GRIK2: variants seen among roughly 807,000 people sequenced by gnomAD.
The protein encoded by GRIK2 is glutamate ionotropic receptor kainate type subunit 2.
A neutral mutation model predicts 100.3 loss-of-function variants in GRIK2; 32 were observed. That is an observed-to-expected ratio of 0.32 (90% CI 0.24 to 0.43). The LOEUF is 0.43. GRIK2 is among the 20% of genes least tolerant of loss of function. The pLI is 1.00. For synonymous variants in GRIK2, 417 were observed against 389.4 expected (o/e 1.07, Z -0.83); for missense variants, 843 against 1,114.9 (o/e 0.76, Z 3.47).
intron 2 of GRIK2, among the ~76,000 whole-genome samples, chr6:101,521,121 C>T (rs1276045692): frequency 1.3e-5 from 2 of 151,944 alleles, no homozygotes; most frequent in African/African-American, 4.8e-5. Context: ...AAGTTTGTAA[C>T]CATTTTCTAT....
chr6:101,784,658 G>A (rs994925425), intron 7 of GRIK2, among the ~76,000 whole-genome samples: 4 of 152,088 alleles, frequency 2.6e-5, no homozygotes, highest in African/African-American at 9.7e-5. Flanking sequence ...ATTGGATCAC[G>A]GTGTTCTCAT....
chr6:101,438,813 C>T (rs1769883131), intron 2 of GRIK2, among the ~76,000 whole-genome samples: 1 of 152,084 alleles, frequency 6.6e-6, no homozygotes, highest in Non-Finnish European at 1.5e-5. Context: ...CATTGCCACA[C>T]AGATGACAAT....
chr6:101,910,338 G>GT (rs1325148462), intron 12 of GRIK2, among the ~76,000 whole-genome samples: 69 of 150,962 alleles, frequency 4.6e-4, no homozygotes, highest in South Asian at 4.2e-4. Context: ...ATTTTGTTTG[G>GT]TTTTTTTAAA....
chr6:101,928,702 A>G, intron 14 of GRIK2, 70 bp downstream of exon 14: 1 of 782,744 alleles, frequency 1.3e-6, no homozygotes. Flanking sequence ...CGATTCACAA[A>G]TGTAAGAGTG....
chr6:102,042,864 T>C (rs778901905), intron 15 of GRIK2, among the ~76,000 whole-genome samples: 20 of 151,702 alleles, frequency 1.3e-4, no homozygotes, highest in Non-Finnish European at 2.5e-4. Flanking sequence ...TGACAGCAAA[T>C]CTATTTCACC....
intron 4 of GRIK2, among the ~76,000 whole-genome samples, chr6:101,655,599 CAAA>C (rs1372898618): frequency 2.0e-5 from 3 of 152,154 alleles, no homozygotes; most frequent in African/African-American, 7.2e-5. Context: ...ATATCATTCT[CAAA>C]AATCCTGAGT....
intron 4 of GRIK2, among the ~76,000 whole-genome samples, chr6:101,647,547 A>G (rs1429471364): frequency 1.3e-5 from 2 of 151,992 alleles, no homozygotes; most frequent in Non-Finnish European, 2.9e-5. Flanking sequence ...AATAAGGCAC[A>G]AGCAGAGATG....
chr6:101,676,571 A>G (rs1040664249), intron 4 of GRIK2, 52 bp from the exon 5 acceptor site: 1 of 1,010,412 alleles, frequency 9.9e-7, no homozygotes, highest in South Asian at 1.7e-5. Context: ...TCTTTGCCCT[A>G]CTCTATTTTT....
intron 7 of GRIK2, among the ~76,000 whole-genome samples, chr6:101,696,584 C>T (rs1002691593): frequency 3.9e-5 from 6 of 151,964 alleles, no homozygotes; most frequent in South Asian, 2.1e-4. Context: ...GTCTAGCTAC[C>T]AGCGAATGTT....
intron 14 of GRIK2, among the ~76,000 whole-genome samples, chr6:101,979,123 T>A (rs1034814275): frequency 1.3e-5 from 2 of 151,896 alleles, no homozygotes; most frequent in African/African-American, 4.8e-5. Context: ...TCAGTTAATA[T>A]GATAGCAAAC....
intron 2 of GRIK2, among the ~76,000 whole-genome samples, chr6:101,580,086 T>C (rs918554726): frequency 6.6e-6 from 1 of 152,178 alleles, no homozygotes; most frequent in African/African-American, 2.4e-5. Flanking sequence ...CAAATGATTG[T>C]ATCTAATTCT....
chr6:101,662,871 A>G (rs955255996), intron 4 of GRIK2, among the ~76,000 whole-genome samples: 1 of 152,122 alleles, frequency 6.6e-6, no homozygotes, highest in Non-Finnish European at 1.5e-5. Flanking sequence ...TCACTTCTGT[A>G]TTCTCAATTC....
intron 14 of GRIK2, among the ~76,000 whole-genome samples, chr6:102,030,328 C>A (rs960010379): frequency 6.6e-6 from 1 of 151,278 alleles, no homozygotes; most frequent in Admixed American, 6.6e-5. Context: ...TCTCTTCAAT[C>A]TTTTAAAATC....
At chr6:101,749,749 G>A (rs1458670578) in intron 7 of GRIK2, among the ~76,000 whole-genome samples, 1 of 150,796 alleles carries the variant, frequency 6.6e-6, no homozygotes, top group Non-Finnish European at 1.5e-5. Context: ...AATAGCAACA[G>A]CAGTAGCAAC....
At chr6:101,708,649 GT>G (rs756187880) in intron 7 of GRIK2, among the ~76,000 whole-genome samples, 1 of 151,756 alleles carries the variant, frequency 6.6e-6, no homozygotes, top group African/African-American at 2.4e-5. Context: ...AGAAGAATCT[GT>G]TTTTATATAT....
chr6:101,701,382 A>G (rs899914810), intron 7 of GRIK2, among the ~76,000 whole-genome samples: 2 of 152,052 alleles, frequency 1.3e-5, no homozygotes, highest in East Asian at 3.9e-4. Context: ...CTTACGAATA[A>G]TGCCTTGGGA....
intron 15 of GRIK2, among the ~76,000 whole-genome samples, chr6:102,045,584 T>C: frequency 6.6e-6 from 1 of 151,996 alleles, no homozygotes; most frequent in Non-Finnish European, 1.5e-5. Flanking sequence ...AAAAATCATC[T>C]GGTATCAAGA....
intron 7 of GRIK2, among the ~76,000 whole-genome samples, chr6:101,757,001 G>T (rs955592770): frequency 1.2e-4 from 19 of 152,114 alleles, no homozygotes; most frequent in African/African-American, 4.3e-4. Context: ...TCTGAAACTT[G>T]TAAGTAATTA....
rs540171987 is a variant in GRIK2, at chr6:101,996,871, T to C, written c.2086-38470T>C. ...CAATTTTCATGAATGTTGTCAATGA[T>C]AGAATTTCTCGATTTTTCAGATATC... On this transcript the variant is annotated intron_variant, in intron 14 of 16. Transcript: ENST00000369134. 5.3e-5 allele frequency among the ~76,000 whole-genome samples: 8 copies of C among 152,258 alleles called. No individual in the cohort carries two copies. In the South Asian group the frequency reaches 1.7e-3, roughly 32 times the overall value.
Sources: gnomAD v4.1 joint callset for allele counts (sites outside exome capture counted in the v4.1 genomes callset) on GRCh38, gnomAD v4.1.1 for gene constraint, MANE v1.5 for transcripts, NCBI Gene and HGNC (gene_info 2026-07-23, HGNC 2026-07-21) for gene names.